The following GALNT16 variants were observed in gnomAD, a reference collection of about 807,000 sequenced individuals.
The protein encoded by GALNT16 is UDP-GalNAc:polypeptide N-acetylgalactosaminyltransferase-like protein 1.
Under a neutral mutation model 76.1 loss-of-function variants are expected in GALNT16, and 40 were observed. That is an observed-to-expected ratio of 0.53 (90% CI 0.41 to 0.68). GALNT16 has a LOEUF of 0.68. Ranked by LOEUF, GALNT16 falls within the 30% of genes least tolerant of loss-of-function variation. The pLI is 0.00. For missense variants in GALNT16, 621 were observed against 731.9 expected, an observed-to-expected ratio of 0.85 and a Z score of 1.75; for synonymous variants, 276 against 285.2, an observed-to-expected ratio of 0.97 and a Z score of 0.32.
chr14:69,337,572 T>G (rs980944349), intron 9 of GALNT16, among the ~76,000 whole-genome samples: 1 of 152,208 alleles, frequency 6.6e-6, no homozygotes, highest in African/African-American at 2.4e-5. Flanking sequence ...TTCTACGCCT[T>G]AGTTGCTGAG....
At chr14:69,384,146 T>C in the GALNT16 span, among the ~76,000 whole-genome samples, 7 of 152,372 alleles carry the variant, frequency 4.6e-5, no homozygotes, top group East Asian at 7.7e-4. Flanking sequence ...CCTTGAAATT[T>C]ATAATTTATC....
chr14:69,339,434 C>A, intron 10 of GALNT16, 93 bp from the exon 11 acceptor site: 1 of 803,540 alleles, frequency 1.2e-6, no homozygotes, highest in Non-Finnish European at 2.2e-6. Context: ...AGATTCTCAT[C>A]GTCCTGTATT....
rs1179314032 is a variant in GALNT16, at chr14:69,333,730, C to A, written c.967+130C>A. 11 of 602,842 alleles carry A rather than the reference C, an allele frequency of 1.8e-5. No individual in the cohort carries two copies. The highest frequency in any genetic ancestry group is 2.9e-5 in the Non-Finnish European group (10 of 341,752). 37.3% of individuals were successfully genotyped at this position (602,842 alleles called of 1,614,324 possible). A position where few individuals can be genotyped will look rare whatever the true frequency, so the allele number is the denominator to read the frequency against. On this transcript the variant is annotated intron_variant, in intron 9 of 14. Transcript: ENST00000448469. This position sits in a 1 kb window ranked among gnomAD's most constrained non-coding sequence, Gnocchi z 4.2. ...CACACATGAGGTCATTTAATTCTCT[C>A]AAGGACCCTCTGAGGTAAGTACCAT...
At chr14:69,293,330 A>T (rs890981975) in intron 1 of GALNT16, among the ~76,000 whole-genome samples, 4 of 152,214 alleles carry the variant, frequency 2.6e-5, no homozygotes, top group Non-Finnish European at 5.9e-5. Flanking sequence ...GGATTTCTTT[A>T]CAGAGGCTCT....
chr14:69,381,856 T>G, the GALNT16 span, among the ~76,000 whole-genome samples: 1 of 152,120 alleles, frequency 6.6e-6, no homozygotes, highest in Non-Finnish European at 1.5e-5. Context: ...GTCCAGCTAA[T>G]GTTTTGTATT....
intron 1 of GALNT16, among the ~76,000 whole-genome samples, chr14:69,303,722 A>C (rs942809244): frequency 7.2e-5 from 11 of 152,234 alleles, no homozygotes; most frequent in Non-Finnish European, 1.5e-4. Flanking sequence ...TAATTTTTAC[A>C]CAACTGCAAT....
chr14:69,352,330 G>A lies in GALNT16; in HGVS notation c.*162G>A, dbSNP rs967278011. 7.1e-6 allele frequency: 5 copies of A among 707,302 alleles called. No individual in the cohort carries two copies. The highest frequency in any genetic ancestry group is 1.1e-5 in the Non-Finnish European group (5 of 437,664). 43.8% of individuals were successfully genotyped at this position (707,302 alleles called of 1,614,324 possible). Reference sequence around the variant, plus strand: ...ACACGTTCTCCAAAGCTTGTTCTAGGAGGGCGCAGGCGGGCACGCCCCGAT... The same window carrying A: ...ACACGTTCTCCAAAGCTTGTTCTAGAAGGGCGCAGGCGGGCACGCCCCGAT... On this transcript the variant is annotated 3_prime_UTR_variant, in exon 15 of 15. Coordinates refer to ENST00000448469, the MANE Select transcript of GALNT16 (RefSeq NM_001168368.2).
rs568175923 is a variant in GALNT16, at chr14:69,271,843, G to A, written c.177+11376G>A. On this transcript the variant is annotated intron_variant, in intron 1 of 14. Transcript: ENST00000448469. ...TGAAATCTGCTGTAAAATATATATC[G>A]GATTTCACAGACTTAGAAAAAGAAC... 3.0e-4 allele frequency among the ~76,000 whole-genome samples: 45 copies of A among 152,016 alleles called. 2 individuals are homozygous for A. The South Asian group carries it at 7.9e-3, about 27-fold the overall frequency.
the GALNT16 span, among the ~76,000 whole-genome samples, chr14:69,367,650 A>G: frequency 2.0e-5 from 3 of 151,548 alleles, no homozygotes; most frequent in Non-Finnish European, 4.4e-5. Flanking sequence ...AAGGCAAAAA[A>G]AAAAAAAAAG....
chr14:69,375,756 C>T, the GALNT16 span, among the ~76,000 whole-genome samples: 3 of 152,182 alleles, frequency 2.0e-5, no homozygotes, highest in African/African-American at 7.2e-5. Context: ...GCCTCAGTCT[C>T]CTGAGTAGTT....
chr14:69,384,032 T>A, the GALNT16 span, among the ~76,000 whole-genome samples: 1 of 152,194 alleles, frequency 6.6e-6, no homozygotes, highest in African/African-American at 2.4e-5. Flanking sequence ...AGTTATGTTA[T>A]GTCATTAATG....
At chr14:69,344,696 C>T (rs1461138333) in intron 12 of GALNT16, among the ~76,000 whole-genome samples, 2 of 152,200 alleles carry the variant, frequency 1.3e-5, no homozygotes, top group Non-Finnish European at 2.9e-5. Context: ...CACTCTTGGT[C>T]AGTATCCACC....
chr14:69,263,680 G>A (rs956737350), intron 1 of GALNT16, among the ~76,000 whole-genome samples: 1 of 152,220 alleles, frequency 6.6e-6, no homozygotes, highest in Admixed American at 6.5e-5. Flanking sequence ...ATGCCTGTTT[G>A]GCATTACAGG....
chr14:69,315,898 G>A (rs1227133645), intron 1 of GALNT16, among the ~76,000 whole-genome samples: 1 of 152,102 alleles, frequency 6.6e-6, no homozygotes, highest in African/African-American at 2.4e-5. Context: ...TTTCAGACAA[G>A]GTTTCTCCAT....
Position 69,333,377 on chromosome 14 carries a change from T to C in GALNT16, c.864-120T>C. The C allele has an allele frequency of 1.4e-6, 1 of 728,456 alleles. No individual in the cohort carries two copies. The highest frequency in any genetic ancestry group is 2.4e-6 in the Non-Finnish European group (1 of 414,112). 45.1% of individuals were successfully genotyped at this position (728,456 alleles called of 1,614,324 possible). ...GGGCCAGGGAGCTGGCCAGACATCC[T>C]GCCCCAGTGACTCTGCAGGGAGGGA... On this transcript the variant is annotated intron_variant, in intron 8 of 14. Coordinates refer to ENST00000448469, the MANE Select transcript of GALNT16 (RefSeq NM_001168368.2). This position sits in a 1 kb window ranked among gnomAD's most constrained non-coding sequence, Gnocchi z 4.2.
intron 1 of GALNT16, among the ~76,000 whole-genome samples, chr14:69,268,334 G>T (rs1428851433): frequency 6.6e-6 from 1 of 152,214 alleles, no homozygotes; most frequent in Non-Finnish European, 1.5e-5. Context: ...ATAAAAACTG[G>T]TTTCAGTAGT....
At chr14:69,316,774 T>TGGGGGGG (rs765892301) in intron 1 of GALNT16, among the ~76,000 whole-genome samples, 1 of 42,662 alleles carries the variant, frequency 2.3e-5, no homozygotes, top group African/African-American at 8.3e-5. Flanking sequence ...TTGTAGTCTG[T>TGGGGGGG]GAGGGGGGGG....
chr14:69,260,571 C>G, intron 1 of GALNT16, 104 bp downstream of exon 1: 4 of 757,514 alleles, frequency 5.3e-6, no homozygotes, highest in Non-Finnish European at 7.0e-6. Context: ...GCTGAGTGCC[C>G]GCTGCGCCGG....
chr14:69,283,225 G>C (rs894172180), intron 1 of GALNT16, among the ~76,000 whole-genome samples: 2 of 152,200 alleles, frequency 1.3e-5, no homozygotes, highest in Non-Finnish European at 2.9e-5. Context: ...ACATTAGTAC[G>C]ATCCACAAAT....
Sources: allele counts gnomAD v4.1 joint callset (sites outside exome capture counted in the v4.1 genomes callset), GRCh38; gene constraint gnomAD v4.1.1; non-coding constraint Gnocchi (gnomAD v3.1); transcripts MANE v1.5; gene names NCBI Gene and HGNC (gene_info 2026-07-23, HGNC 2026-07-21).